The following ARHGAP44 variants were observed in gnomAD, a reference collection of about 807,000 sequenced individuals.
ARHGAP44 encodes rho GTPase-activating protein 44.
ARHGAP44 carries 43 observed loss-of-function variants against 106.8 expected under a neutral mutation model. The observed-to-expected ratio is 0.40, with a 90% CI of 0.32 to 0.52. The LOEUF is 0.52. ARHGAP44 is among the 20% of genes least tolerant of loss of function. The pLI is 0.48. For missense variants in ARHGAP44, 866 were observed against 1,050.5 expected (o/e 0.82, Z 2.43); for synonymous variants, 439 against 410.3 (o/e 1.07, Z -0.85).
At chr17:12,864,087 G>A (rs2036167889) in intron 1 of ARHGAP44, among the ~76,000 whole-genome samples, 1 of 152,112 alleles carries the variant, frequency 6.6e-6, no homozygotes, top group Non-Finnish European at 1.5e-5. Context: ...CATTTTATTT[G>A]ATGAAGCAGT....
Position 12,991,120 on chromosome 17 carries a change from T to TC in ARHGAP44, c.*949_*950insC, listed in dbSNP as rs2040126883. ...TGGCCCACGGGCTCGGCCTGCGGTG[T>TC]GGCCTGCTTTGCTCACCAGCGTCAG... On this transcript the variant is annotated 3_prime_UTR_variant, in exon 21 of 21. Coordinates refer to ENST00000379672, the MANE Select transcript of ARHGAP44 (RefSeq NM_014859.6). 6.6e-6 allele frequency: 1 copy of TC among 152,580 alleles called. No individual in the cohort carries two copies. Among genetic ancestry groups the TC allele is most frequent in the South Asian group, 2.1e-4 (1 of 4,836 alleles). The allele number at this position is 152,580 out of a possible 1,614,324, so 9.5% of individuals were successfully genotyped here.
At chr17:12,928,830 C>T in intron 6 of ARHGAP44, 99 bp from the exon 7 acceptor site, 14 of 1,055,928 alleles carry the variant, frequency 1.3e-5, no homozygotes, top group Non-Finnish European at 1.9e-5. Context: ...GTATGTAGTT[C>T]CCTGGGTGAT....
At chr17:12,911,414 A>T (rs1361422589) in intron 4 of ARHGAP44, among the ~76,000 whole-genome samples, 1 of 152,138 alleles carries the variant, frequency 6.6e-6, no homozygotes. Context: ...AAAGCATATG[A>T]ATGACTGGGA....
chr17:12,967,275 T>TC (rs1491400213), intron 16 of ARHGAP44, among the ~76,000 whole-genome samples: 7 of 123,504 alleles, frequency 5.7e-5, no homozygotes, highest in Non-Finnish European at 9.9e-5. Context: ...TTTTTTTTTT[T>TC]CCTGAGATAC....
Position 12,973,861 on chromosome 17 carries a change from G to C in ARHGAP44, c.1542-228G>C, listed in dbSNP as rs1027081669. The C allele has an allele frequency of 2.0e-5, 12 of 585,972 alleles. No homozygotes were observed. The Admixed American group carries it at 3.7e-4, about 18-fold the overall frequency. The allele number at this position is 585,972 out of a possible 1,614,324, so 36.3% of individuals were successfully genotyped here. ...ACTGTGCCCTGCTCCTTGCCTCAGTGAGGGGGCCGCTCTTGCCAGGACTGG... is the reference window on the plus strand; with the variant it reads ...ACTGTGCCCTGCTCCTTGCCTCAGTCAGGGGGCCGCTCTTGCCAGGACTGG... On this transcript the variant is annotated intron_variant, in intron 17 of 20. Transcript: ENST00000379672.
intron 1 of ARHGAP44, among the ~76,000 whole-genome samples, chr17:12,874,114 A>G (rs2036485036): frequency 6.6e-6 from 1 of 152,154 alleles, no homozygotes; most frequent in Non-Finnish European, 1.5e-5. Flanking sequence ...CCAATCCTTC[A>G]TGGTTACAAG....
At chr17:12,972,608 A>G (rs532128893) in intron 16 of ARHGAP44, among the ~76,000 whole-genome samples, 1 of 151,482 alleles carries the variant, frequency 6.6e-6, no homozygotes, top group South Asian at 2.1e-4. Context: ...AGATCGCACC[A>G]TTGCACTCCA....
intron 10 of ARHGAP44, among the ~76,000 whole-genome samples, chr17:12,945,402 A>G (rs1356100356): frequency 6.6e-6 from 1 of 152,166 alleles, no homozygotes; most frequent in Non-Finnish European, 1.5e-5. Context: ...GACTATTTTA[A>G]TATCTTTACT....
chr17:12,876,256 C>G (rs548384349), intron 1 of ARHGAP44, among the ~76,000 whole-genome samples: 12 of 152,148 alleles, frequency 7.9e-5, no homozygotes, highest in Non-Finnish European at 1.6e-4. Flanking sequence ...CAAACCTGTT[C>G]GGCTTGCTTA....
intron 1 of ARHGAP44, among the ~76,000 whole-genome samples, chr17:12,876,878 T>G (rs1353044684): frequency 7.2e-6 from 1 of 139,614 alleles, no homozygotes; most frequent in Non-Finnish European, 1.5e-5. Flanking sequence ...GCCACTGCAC[T>G]CCAGCCTGGT....
chr17:12,846,613 C>T (rs2035577958), intron 1 of ARHGAP44, among the ~76,000 whole-genome samples: 1 of 152,200 alleles, frequency 6.6e-6, no homozygotes, highest in Non-Finnish European at 1.5e-5. Flanking sequence ...ACTAGATAAA[C>T]ATCTGTCAAA....
chr17:12,932,881 A>C (rs1222549549), intron 7 of ARHGAP44, among the ~76,000 whole-genome samples: 1 of 152,156 alleles, frequency 6.6e-6, no homozygotes, highest in Non-Finnish European at 1.5e-5. Context: ...TTTCTATTCT[A>C]ATGATTTCAT....
chr17:12,884,883 G>C (rs1433489776), intron 1 of ARHGAP44, among the ~76,000 whole-genome samples: 1 of 151,446 alleles, frequency 6.6e-6, no homozygotes, highest in Non-Finnish European at 1.5e-5. Context: ...CCTATATCTT[G>C]CTAAGCATTT....
Position 12,990,519 on chromosome 17 carries a change from A to C in ARHGAP44, c.*348A>C, listed in dbSNP as rs2040105013. On this transcript the variant is annotated 3_prime_UTR_variant, in exon 21 of 21. Transcript: ENST00000379672. The stretch of plus-strand genomic sequence containing the variant: ...CTTTGCAGGGTCGGGGTGGTGCGGG[A>C]GAGGCTCACTTTGCCTGGTTAGACC... The C allele has an allele frequency of 4.6e-6, 1 of 216,356 alleles. No individual in the cohort carries two copies. Among genetic ancestry groups the C allele is most frequent in the Non-Finnish European group, 9.7e-6 (1 of 102,936 alleles). The allele number at this position is 216,356 out of a possible 1,614,324, so 13.4% of individuals were successfully genotyped here.
chr17:12,882,703 G>A lies in ARHGAP44; in HGVS notation c.54-12237G>A, dbSNP rs2036775633. Reference sequence around the variant, plus strand: ...TGCATTTTTGAGATAGTCTTATTTTGCCCTTTAATTTGTGCATGTGATGAA... The same window carrying A: ...TGCATTTTTGAGATAGTCTTATTTTACCCTTTAATTTGTGCATGTGATGAA... On this transcript the variant is annotated intron_variant, in intron 1 of 20. Coordinates refer to ENST00000379672, the MANE Select transcript of ARHGAP44 (RefSeq NM_014859.6). 2.0e-5 allele frequency among the ~76,000 whole-genome samples: 3 copies of A among 151,962 alleles called. No individual in the cohort carries two copies. In the South Asian group the frequency reaches 6.2e-4, roughly 32 times the overall value.
In ARHGAP44 at chr17:12,949,116, G is replaced by A. The variant is rs748645828; in HGVS notation, c.862-24G>A. Reference sequence around the variant, plus strand: ...ATGTTGTACCTTGGAGTTGCTGTGCGCTGACCCTCTGTCCTGTTGGTAGGG... The same window carrying A: ...ATGTTGTACCTTGGAGTTGCTGTGCACTGACCCTCTGTCCTGTTGGTAGGG... On this transcript the variant is annotated intron_variant, in intron 10 of 20. Coordinates refer to ENST00000379672, the MANE Select transcript of ARHGAP44 (RefSeq NM_014859.6). The surrounding 1 kb of genome is among the most constrained non-coding windows in gnomAD (Gnocchi z 4.1). 59 of 1,551,202 alleles carry A rather than the reference G, an allele frequency of 3.8e-5. No homozygotes were observed. Among genetic ancestry groups the A allele is most frequent in the Non-Finnish European group, 4.8e-5 (55 of 1,146,334 alleles).
At chr17:12,983,356 T>A (rs1034312691) in intron 19 of ARHGAP44, among the ~76,000 whole-genome samples, 1 of 152,050 alleles carries the variant, frequency 6.6e-6, no homozygotes, top group Non-Finnish European at 1.5e-5. Context: ...CTCAAGATAT[T>A]TGCCCATCAA....
At chr17:12,851,324 G>GA (rs1181948363) in intron 1 of ARHGAP44, among the ~76,000 whole-genome samples, 1 of 152,038 alleles carries the variant, frequency 6.6e-6, no homozygotes. Flanking sequence ...TAGAAGTCTT[G>GA]AAAAAAATCA....
intron 19 of ARHGAP44, 173 bp from the exon 20 acceptor site, chr17:12,984,358 G>T: frequency 1.9e-6 from 1 of 529,792 alleles, no homozygotes. Flanking sequence ...AAATTGTATT[G>T]GCTGCTGTCA....
Sources: gnomAD v4.1 joint callset for allele counts (sites outside exome capture counted in the v4.1 genomes callset) on GRCh38, gnomAD v4.1.1 for gene constraint, Gnocchi (gnomAD v3.1) non-coding constraint, MANE v1.5 for transcripts, NCBI Gene and HGNC (gene_info 2026-07-23, HGNC 2026-07-21) for gene names.